ARHGEF18: variants seen among roughly 807,000 people sequenced by gnomAD.
ARHGEF18 encodes Rho/Rac guanine nucleotide exchange factor 18, also known as rho guanine nucleotide exchange factor 18.
A neutral mutation model predicts 155.7 loss-of-function variants in ARHGEF18; 93 were observed. The observed-to-expected ratio is 0.60, with a 90% CI of 0.50 to 0.71. The LOEUF is 0.71. ARHGEF18 is among the 30% of genes least tolerant of loss of function. The pLI is 0.00. For missense variants in ARHGEF18, 1,593 were observed against 1,816.1 expected, an observed-to-expected ratio of 0.88 and a Z score of 2.23; for synonymous variants, 742 against 753.1, an observed-to-expected ratio of 0.99 and a Z score of 0.24.
chr19:7,381,241 G>A (rs1438475517), intron 8 of ARHGEF18, among the ~76,000 whole-genome samples: 1 of 152,016 alleles, frequency 6.6e-6, no homozygotes, highest in Non-Finnish European at 1.5e-5. Context: ...TTGCCAATAC[G>A]TGCAGATAAG....
intron 10 of ARHGEF18, among the ~76,000 whole-genome samples, chr19:7,412,114 C>CAA (rs949584455): frequency 4.0e-5 from 6 of 151,348 alleles, no homozygotes; most frequent in African/African-American, 1.5e-4. Context: ...TGGCTCACTG[C>CAA]AACCTCTGCC....
At chr19:7,439,640 C>CGA in intron 10 of ARHGEF18, 1 of 1,112,328 alleles carries the variant, frequency 9.0e-7, no homozygotes, top group South Asian at 3.2e-5. Flanking sequence ...GCCTCGCGTC[C>CGA]ACTTCGATGC....
intron 10 of ARHGEF18, among the ~76,000 whole-genome samples, chr19:7,392,985 T>C (rs1971485640): frequency 7.4e-6 from 1 of 134,640 alleles, no homozygotes; most frequent in Non-Finnish European, 1.5e-5. Context: ...AGATGGAAGC[T>C]GCAATGAGCT....
intron 10 of ARHGEF18, among the ~76,000 whole-genome samples, chr19:7,407,705 T>G (rs1972400134): frequency 6.6e-6 from 1 of 151,918 alleles, no homozygotes; most frequent in Non-Finnish European, 1.5e-5. Flanking sequence ...GCAAATTTTT[T>G]CTGTTAAGAG....
Position 7,395,384 on chromosome 19 carries a change from G to T in ARHGEF18, c.967+12181G>T. 1.1e-6 allele frequency: 1 copy of T among 917,466 alleles called. No individual in the cohort carries two copies. The highest frequency in any genetic ancestry group is 1.3e-6 in the Non-Finnish European group (1 of 767,988). 56.8% of individuals were successfully genotyped at this position (917,466 alleles called of 1,614,324 possible). On this transcript the variant is annotated intron_variant, in intron 10 of 28. Coordinates refer to ENST00000668164, the MANE Select transcript of ARHGEF18 (RefSeq NM_001367823.1). This position sits in a 1 kb window ranked among gnomAD's most constrained non-coding sequence, Gnocchi z 5.0. ...CGCCGGCTCCTGGGGGACTTCTCCA[G>T]GCAGGCGAACGGGTGCTGGGGTGCA...
intron 1 of ARHGEF18, among the ~76,000 whole-genome samples, chr19:7,362,337 G>A (rs897578018): frequency 1.5e-5 from 2 of 130,174 alleles, no homozygotes; most frequent in African/African-American, 8.7e-5. Flanking sequence ...TGGAGGAGGA[G>A]GAGGAAGAGG....
At chr19:7,456,276 C>A in intron 17 of ARHGEF18, 51 bp from the exon 18 acceptor site, 1 of 1,574,754 alleles carries the variant, frequency 6.4e-7, no homozygotes, top group South Asian at 1.1e-5. Context: ...GCCAGCAAGA[C>A]CTCCTGGCTA....
At chr19:7,458,869 C>T (rs1052112207) in intron 19 of ARHGEF18, among the ~76,000 whole-genome samples, 179 bp downstream of exon 19, 5 of 152,220 alleles carry the variant, frequency 3.3e-5, no homozygotes, top group Admixed American at 3.3e-4. Flanking sequence ...GGCCAACGGG[C>T]CCAGAAAGGC....
rs1018488145 is a variant in ARHGEF18 at position 7,355,704 on chromosome 19, G to T, written c.-111+6463G>T. 4.1e-6 allele frequency: 4 copies of T among 985,320 alleles called. No homozygotes were observed. The Admixed American group carries it at 2.5e-4, about 61-fold the overall frequency. 61.0% of individuals were successfully genotyped at this position (985,320 alleles called of 1,614,324 possible). ...CTGAAGCGGTGGGCCTTCAAGAGAG[G>T]TAAGCAGCTGGCAGTGACCAGCGGG... On this transcript the variant is annotated intron_variant, in intron 1 of 28. Coordinates refer to ENST00000668164, the MANE Select transcript of ARHGEF18 (RefSeq NM_001367823.1).
chr19:7,420,838 G>T (rs1600380773), intron 10 of ARHGEF18, among the ~76,000 whole-genome samples: 1 of 152,230 alleles, frequency 6.6e-6, no homozygotes, highest in Admixed American at 6.5e-5. Context: ...ACGTTATGGG[G>T]TGAGCCTGTC....
rs1974864680 is a variant in ARHGEF18, at chr19:7,444,400, G to A, written c.1557G>A (p.Glu519=). 3.1e-6 allele frequency: 5 copies of A among 1,613,602 alleles called. No homozygotes were observed. The African/African-American group carries it at 6.7e-5, about 22-fold the overall frequency. ...LKERRQESLE[E]GSDRNYVIQK... The stretch of plus-strand genomic sequence containing the variant: ...AGCGCCGCCAGGAGTCCCTGGAGGA[G>A]GGCAGTGACCGGAATTATGTCATCC... Residue 519 remains glutamate (E), a synonymous_variant, in exon 14 of 29, where the codon GAG becomes GAA. Transcript: ENST00000668164. This position sits in a 1 kb window ranked among gnomAD's most constrained non-coding sequence, Gnocchi z 4.7.
intron 2 of ARHGEF18, among the ~76,000 whole-genome samples, chr19:7,366,943 T>A (rs1969913705): frequency 1.3e-5 from 2 of 151,742 alleles, no homozygotes; most frequent in African/African-American, 4.8e-5. Flanking sequence ...TTTTTTTTTT[T>A]TAAAGATGGG....
chr19:7,477,957 G>A, the ARHGEF18 span, among the ~76,000 whole-genome samples: 3 of 152,262 alleles, frequency 2.0e-5, no homozygotes, highest in Non-Finnish European at 1.5e-5. Flanking sequence ...AGGAGGCAGA[G>A]GCTGCAGTGA....
At chr19:7,390,203 A>C (rs532949432) in intron 10 of ARHGEF18, among the ~76,000 whole-genome samples, 1 of 152,244 alleles carries the variant, frequency 6.6e-6, no homozygotes, top group Admixed American at 6.5e-5. Flanking sequence ...CCTAAAAAGA[A>C]AAAAGAAATA....
chr19:7,473,303 ACT>A, downstream of ARHGEF18: 1 of 456,134 alleles, frequency 2.2e-6, no homozygotes, highest in Non-Finnish European at 4.4e-6. Context: ...CTCAGGCAGC[ACT>A]GTCCACCAGG....
rs1974575529 is a variant in ARHGEF18 at position 7,440,523 on chromosome 19, C to T, written c.1106+41C>T. ...CTCTGTGCCCTCGGGTGGGTGGTGG[C>T]ATTCCCCGGGGAGCTGTTGACAGCC... On this transcript the variant is annotated intron_variant, in intron 11 of 28. Coordinates refer to ENST00000668164, the MANE Select transcript of ARHGEF18 (RefSeq NM_001367823.1). The surrounding 1 kb of genome is among the most constrained non-coding windows in gnomAD (Gnocchi z 5.4). 6.4e-7 allele frequency: 1 copy of T among 1,560,828 alleles called. No individual in the cohort carries two copies.
intron 14 of ARHGEF18, among the ~76,000 whole-genome samples, chr19:7,446,838 G>A (rs779006884): frequency 2.0e-5 from 3 of 150,480 alleles, no homozygotes; most frequent in African/African-American, 4.9e-5. Flanking sequence ...AGAGGTTGCA[G>A]TGAGCCAAGA....
intron 23 of ARHGEF18, among the ~76,000 whole-genome samples, chr19:7,466,016 G>A (rs1383646744): frequency 2.0e-5 from 3 of 151,942 alleles, no homozygotes; most frequent in Non-Finnish European, 4.4e-5. Context: ...CCTAGGAGGT[G>A]GAGGTTGCAG....
rs148443665 is a variant in ARHGEF18 at position 7,382,381 on chromosome 19, T to C, written c.723-411T>C. On this transcript the variant is annotated intron_variant, in intron 8 of 28. Coordinates refer to ENST00000668164, the MANE Select transcript of ARHGEF18 (RefSeq NM_001367823.1). ...CTGCACTCCAGCCTGGGTGACAGAGTGAGACTCTGTCTCAAAATAAATAAC... is the reference window on the plus strand; with the variant it reads ...CTGCACTCCAGCCTGGGTGACAGAGCGAGACTCTGTCTCAAAATAAATAAC... Among the ~76,000 whole-genome samples, 521 of 144,272 alleles carry C rather than the reference T, an allele frequency of 3.6e-3. 2 individuals carry two copies. The highest frequency in any genetic ancestry group is 0.013 in the African/African-American group (497 of 38,374). 94.6% of individuals were successfully genotyped at this position (144,272 alleles called of 152,430 possible).
Sources: allele counts gnomAD v4.1 joint callset (sites outside exome capture counted in the v4.1 genomes callset), GRCh38; gene constraint gnomAD v4.1.1; non-coding constraint Gnocchi (gnomAD v3.1); transcripts MANE v1.5; gene names NCBI Gene and HGNC (gene_info 2026-07-23, HGNC 2026-07-21).